Variants in DSE observed in about 807,000 individuals in gnomAD.
DSE encodes the protein dermatan sulfate epimerase.
DSE carries 36 observed loss-of-function variants against 84.4 expected under a neutral mutation model. The ratio of observed to expected loss-of-function variants is 0.43; its 90% CI spans 0.33 to 0.56. DSE has a LOEUF of 0.56. Among genes scored for constraint, DSE ranks in the 20% least tolerant of loss-of-function variants. The pLI, the probability that DSE is intolerant of heterozygous loss-of-function variation, is 0.06. For missense variants in DSE, 862 were observed against 1,169.6 expected, an observed-to-expected ratio of 0.74 and a Z score of 3.84; for synonymous variants, 410 against 430.1, an observed-to-expected ratio of 0.95 and a Z score of 0.58.
In DSE at chr6:116,361,121, G is replaced by A. The variant is rs187888738; in HGVS notation, c.-53-38077G>A. On this transcript the variant is annotated intron_variant, in intron 2 of 3. Transcript: ENST00000430252. ...GCTCTGTTGCCCAGGCTGGAGTGGC[G>A]TGATCTCGGCTGACCACAACCTCCG... is the stretch of plus-strand genomic sequence containing the variant. Among the ~76,000 whole-genome samples the A allele has an allele frequency of 4.6e-4, 70 of 152,174 alleles. No individual in the cohort carries two copies. The South Asian group carries it at 6.0e-3, about 13-fold the overall frequency.
intron 2 of DSE, among the ~76,000 whole-genome samples, chr6:116,316,292 G>A (rs936631399): frequency 2.0e-5 from 3 of 152,134 alleles, no homozygotes; most frequent in Non-Finnish European, 2.9e-5. Context: ...GTTTATGGTT[G>A]AGTTCATGGA....
At position 116,412,158 on chromosome 6, in the gene DSE, G is replaced by A. The variant is rs78197384; in HGVS notation, c.416+12492G>A. Among the ~76,000 whole-genome samples the A allele has an allele frequency of 2.6e-5, 4 of 152,034 alleles. No homozygotes were observed. The East Asian group carries it at 7.7e-4, about 29-fold the overall frequency. ...CCCAGGACAAAAAATAAATATTATG[G>A]GTTCAGGGTGTTGTCACAGGCATTA... On this transcript the variant is annotated intron_variant, in intron 2 of 5. Coordinates refer to ENST00000644252, the MANE Select transcript of DSE (RefSeq NM_013352.4).
At chr6:116,311,768 G>A (rs1775708401) in intron 2 of DSE, among the ~76,000 whole-genome samples, 1 of 152,108 alleles carries the variant, frequency 6.6e-6, no homozygotes, top group Non-Finnish European at 1.5e-5. Context: ...GCACCTCCCA[G>A]AGAATGTTCC....
chr6:116,331,318 A>G (rs1454591190), intron 2 of DSE, among the ~76,000 whole-genome samples: 1 of 152,196 alleles, frequency 6.6e-6, no homozygotes, highest in African/African-American at 2.4e-5. Flanking sequence ...AGGGCTGGGG[A>G]GGCCTCATGA....
At position 116,435,791 on chromosome 6, in the gene DSE, A is replaced by G. The variant is rs1430955958; in HGVS notation, c.1323A>G (p.Lys441=). 1.2e-6 allele frequency: 2 copies of G among 1,614,164 alleles called. No individual in the cohort carries two copies. The highest frequency in any genetic ancestry group is 2.7e-5 in the African/African-American group (2 of 75,060). Residue 441 remains lysine (K), a synonymous_variant, in exon 6 of 6, where the codon AAA becomes AAG. Coordinates refer to ENST00000644252, the MANE Select transcript of DSE (RefSeq NM_013352.4). ...VHRNKYKDWI[K]GWRNFNAGHE... is the part of the protein sequence containing the mutation. ...GAAACAAATACAAAGATTGGATCAA[A>G]GGATGGAGAAATTTTAATGCAGGGC...
intron 1 of DSE, among the ~76,000 whole-genome samples, chr6:116,373,102 C>G (rs902188106): frequency 6.6e-6 from 1 of 151,064 alleles, no homozygotes; most frequent in Non-Finnish European, 1.5e-5. Flanking sequence ...CGCCTGTAAT[C>G]CCAGCACTTT....
rs774960997 is a variant in DSE, at chr6:116,437,072, G to A, written c.2604G>A (p.Glu868=). 5 of 1,613,966 alleles carry A rather than the reference G, an allele frequency of 3.1e-6. No homozygotes were observed. In the South Asian group the frequency reaches 4.4e-5, roughly 14 times the overall value. The change falls in exon 6 of 6, where the codon GAG becomes GAA. Residue 868 remains glutamate, a synonymous_variant. Coordinates refer to ENST00000644252, the MANE Select transcript of DSE (RefSeq NM_013352.4). The part of the protein sequence containing the change: ...DLLDFADVTY[E]KHKNGGLIKG... ...TAGATTTTGCAGATGTAACATACGAGAAACATAAAAATGGGGGCTTGATTA... is the reference window on the plus strand; with the variant it reads ...TAGATTTTGCAGATGTAACATACGAAAAACATAAAAATGGGGGCTTGATTA...
intron 1 of DSE, among the ~76,000 whole-genome samples, chr6:116,380,788 A>G (rs564229120): frequency 6.6e-6 from 1 of 152,340 alleles, no homozygotes; most frequent in Admixed American, 6.5e-5. Flanking sequence ...CTGAAATAAT[A>G]AATGTGAGAC....
intron 1 of DSE, among the ~76,000 whole-genome samples, chr6:116,372,110 T>A (rs530777409): frequency 1.4e-4 from 22 of 152,368 alleles, no homozygotes; most frequent in African/African-American, 5.3e-4. Flanking sequence ...AGATCTCACT[T>A]ATACATATTT....
At chr6:116,370,821 C>A, upstream of DSE, 1 of 985,452 alleles carries the variant, frequency 1.0e-6, no homozygotes, top group Non-Finnish European at 1.2e-6. Context: ...CTCTCCTCAT[C>A]CTCGTCTCCT....
At position 116,371,073 on chromosome 6, in the gene DSE, G is replaced by A; in HGVS notation, c.-102G>A. ...GTGAGGAGGACCGGGAGCTGGCTCT[G>A]GAGGCTGCGGAGGCGACGCCGGAGA... is the stretch of plus-strand genomic sequence containing the variant. On this transcript the variant is annotated 5_prime_UTR_variant, in exon 1 of 6. Coordinates refer to ENST00000644252, the MANE Select transcript of DSE (RefSeq NM_013352.4). 1.0e-6 allele frequency: 1 copy of A among 986,042 alleles called. No homozygotes were observed. Among genetic ancestry groups the A allele is most frequent in the Non-Finnish European group, 1.2e-6 (1 of 830,462 alleles). 61.1% of individuals were successfully genotyped at this position (986,042 alleles called of 1,614,324 possible). A position where few individuals can be genotyped will look rare whatever the true frequency, so the allele number is the denominator to read the frequency against.
chr6:116,273,835 T>TG (rs760596039), intron 2 of DSE, among the ~76,000 whole-genome samples: 1 of 12,296 alleles, frequency 8.1e-5, no homozygotes, highest in African/African-American at 7.7e-4. Context: ...TGTTTTTTTG[T>TG]TTTTTTTTTT....
At chr6:116,264,222 G>A (rs963148720) in intron 2 of DSE, among the ~76,000 whole-genome samples, 2 of 151,972 alleles carry the variant, frequency 1.3e-5, no homozygotes, top group African/African-American at 2.4e-5. Context: ...TCTCTTTAAG[G>A]GACACCAATG....
exon 1 of DSE, chr6:116,254,238 C>T: frequency 1.4e-6 from 1 of 701,074 alleles, no homozygotes; most frequent in Admixed American, 2.0e-5. Context: ...AAAAGAATTT[C>T]GTCAGTCTGG....
At chr6:116,272,791 G>A (rs1033962486) in intron 2 of DSE, among the ~76,000 whole-genome samples, 4 of 152,196 alleles carry the variant, frequency 2.6e-5, no homozygotes, top group African/African-American at 9.7e-5. Flanking sequence ...CATGAAGCTA[G>A]ATGACTATTT....
chr6:116,307,760 C>G (rs1268102708), intron 2 of DSE, among the ~76,000 whole-genome samples: 2 of 152,140 alleles, frequency 1.3e-5, no homozygotes, highest in African/African-American at 4.8e-5. Flanking sequence ...ACTGTGCAGC[C>G]CATGCTGCAC....
intron 1 of DSE, among the ~76,000 whole-genome samples, chr6:116,373,973 G>C (rs372374122): frequency 2.4e-4 from 36 of 152,238 alleles, no homozygotes; most frequent in Admixed American, 7.2e-4. Flanking sequence ...ATTTAAATTT[G>C]AGTTTTAGTA....
intron 2 of DSE, among the ~76,000 whole-genome samples, chr6:116,349,861 AT>A (rs777067333): frequency 1.3e-5 from 2 of 152,108 alleles, no homozygotes; most frequent in Non-Finnish European, 2.9e-5. Context: ...CCTTTGGTTG[AT>A]TTTCAGAGTG....
chr6:116,370,527 T>G (rs1779467633), upstream of DSE: 22 of 985,252 alleles, frequency 2.2e-5, no homozygotes, highest in Non-Finnish European at 2.7e-5. Context: ...TTCCTCGCTT[T>G]CCTCTCGCAG....
Sources: allele counts gnomAD v4.1 joint callset (sites outside exome capture counted in the v4.1 genomes callset), GRCh38; gene constraint gnomAD v4.1.1; transcripts MANE v1.5; gene names NCBI Gene and HGNC (gene_info 2026-07-23, HGNC 2026-07-21).